Variants in CGNL1 observed in about 807,000 individuals in gnomAD.
CGNL1 encodes cingulin like 1.
CGNL1 carries 132 observed loss-of-function variants against 141.2 expected under a neutral mutation model. The observed-to-expected ratio is 0.93, with a 90% CI of 0.81 to 1.08. The LOEUF is 1.08. Among genes scored for constraint, CGNL1 ranks in the 50% least tolerant of loss-of-function variants. The pLI is 0.00. For synonymous variants in CGNL1, 690 were observed against 622.1 expected (o/e 1.11, Z -1.63); for missense variants, 1,870 against 1,588.6 (o/e 1.18, Z -3.01).
chr15:57,454,181 G>A (rs1395624491), intron 7 of CGNL1, among the ~76,000 whole-genome samples: 2 of 152,090 alleles, frequency 1.3e-5, no homozygotes, highest in African/African-American at 4.8e-5. Context: ...CACCCATTTA[G>A]GTGTTTGATG....
chr15:57,388,298 G>A (rs2062505514), intron 1 of CGNL1, among the ~76,000 whole-genome samples: 1 of 152,146 alleles, frequency 6.6e-6, no homozygotes, highest in African/African-American at 2.4e-5. Flanking sequence ...GTCATTAGAG[G>A]AGTCCTGGGA....
intron 4 of CGNL1, among the ~76,000 whole-genome samples, chr15:57,444,211 T>C (rs1187682268): frequency 6.6e-6 from 1 of 152,180 alleles, no homozygotes; most frequent in Admixed American, 6.5e-5. Flanking sequence ...TATTCTTGTG[T>C]GTGTAGCTGC....
chr15:57,524,341 G>A (rs1453026750), intron 11 of CGNL1, among the ~76,000 whole-genome samples: 1 of 152,218 alleles, frequency 6.6e-6, no homozygotes, highest in Non-Finnish European at 1.5e-5. Flanking sequence ...AAGTGGCACA[G>A]CAGCCCTAGG....
intron 1 of CGNL1, among the ~76,000 whole-genome samples, chr15:57,400,883 A>T (rs370796580): frequency 6.5e-5 from 8 of 122,404 alleles, no homozygotes; most frequent in African/African-American, 2.4e-4. Flanking sequence ...ACCCTGTCTC[A>T]AATTAAAAAA....
intron 1 of CGNL1, among the ~76,000 whole-genome samples, chr15:57,387,430 T>G (rs1239356643): frequency 6.6e-6 from 1 of 152,186 alleles, no homozygotes; most frequent in Non-Finnish European, 1.5e-5. Flanking sequence ...TTTTTCCACT[T>G]TTCCCATCCA....
intron 8 of CGNL1, among the ~76,000 whole-genome samples, chr15:57,509,295 T>C (rs11071325): frequency 0.16 from 24,188 of 152,154 alleles, 2,379 homozygotes; most frequent in East Asian, 0.46. Flanking sequence ...TCTCTGGATG[T>C]CCCGGCCTCC....
chr15:57,523,914 A>C (rs575259222), intron 11 of CGNL1, among the ~76,000 whole-genome samples: 1 of 152,300 alleles, frequency 6.6e-6, no homozygotes, highest in South Asian at 2.1e-4. Flanking sequence ...TGCAGATGGA[A>C]CCAATGTTGA....
chr15:57,463,551 G>A lies in CGNL1; in HGVS notation c.2403+1659G>A, dbSNP rs138034171. ...CCGGGAAGCTAACACAAAGGGGTTCGCCTTAGTACCCACTGGGGTGTGGGC... is the reference window on the plus strand; with the variant it reads ...CCGGGAAGCTAACACAAAGGGGTTCACCTTAGTACCCACTGGGGTGTGGGC... On this transcript the variant is annotated intron_variant, in intron 8 of 18. Coordinates refer to ENST00000281282, the MANE Select transcript of CGNL1 (RefSeq NM_032866.5). Among the ~76,000 whole-genome samples the A allele has an allele frequency of 7.2e-4, 110 of 152,310 alleles. 1 individual carries two copies. Among genetic ancestry groups the A allele is most frequent in the Middle Eastern group, 6.8e-3 (2 of 294 alleles).
intron 12 of CGNL1, 78 bp downstream of exon 12, chr15:57,524,829 C>A: frequency 1.4e-6 from 2 of 1,419,208 alleles, no homozygotes; most frequent in Non-Finnish European, 9.6e-7. Flanking sequence ...CTGTGAGGGA[C>A]TTGGGGGTAG....
At position 57,545,588 on chromosome 15, in the gene CGNL1, C is replaced by T. The variant is rs1259012874; in HGVS notation, c.3501-4C>T. The T allele has an allele frequency of 6.2e-7, 1 of 1,611,834 alleles. No individual in the cohort carries two copies. Among genetic ancestry groups the T allele is most frequent in the Non-Finnish European group, 8.5e-7 (1 of 1,179,306 alleles). The stretch of plus-strand genomic sequence containing the variant: ...GGTTCTTGGTTCTGTCTCCCCTCTT[C>T]CAGGGATCGGGCCAATCTTCAGCTC... On this transcript the variant is annotated splice_region_variant and splice_polypyrimidine_tract_variant and intron_variant, in intron 16 of 18. Transcript: ENST00000281282.
chr15:57,520,136 C>T (rs2031149181), intron 10 of CGNL1, among the ~76,000 whole-genome samples: 1 of 152,194 alleles, frequency 6.6e-6, no homozygotes. Context: ...TAGCCACTGG[C>T]AGTGCAGCTG....
intron 8 of CGNL1, among the ~76,000 whole-genome samples, chr15:57,471,995 A>AG (rs773597934): frequency 1.8e-4 from 27 of 152,064 alleles, no homozygotes; most frequent in Non-Finnish European, 3.1e-4. Flanking sequence ...CCTAGCTACC[A>AG]GGGTGTGTGA....
intron 14 of CGNL1, among the ~76,000 whole-genome samples, chr15:57,539,048 G>A (rs1340748128): frequency 6.6e-6 from 1 of 152,122 alleles, no homozygotes; most frequent in African/African-American, 2.4e-5. Flanking sequence ...CGCCCAGCTT[G>A]AGGGGCTCTT....
intron 1 of CGNL1, among the ~76,000 whole-genome samples, chr15:57,417,727 T>G (rs1344378656): frequency 6.6e-6 from 1 of 151,470 alleles, no homozygotes; most frequent in Non-Finnish European, 1.5e-5. Context: ...GGGGAAAAGG[T>G]GAGCAAAAGC....
At chr15:57,381,971 G>A (rs2062430086) in intron 1 of CGNL1, among the ~76,000 whole-genome samples, 1 of 152,204 alleles carries the variant, frequency 6.6e-6, no homozygotes, top group African/African-American at 2.4e-5. Context: ...CACATCCTAG[G>A]TTAGAGAGAC....
chr15:57,513,718 C>T (rs1324453541), intron 8 of CGNL1, among the ~76,000 whole-genome samples: 2 of 152,090 alleles, frequency 1.3e-5, no homozygotes, highest in Non-Finnish European at 2.9e-5. Flanking sequence ...GATGCGGTTT[C>T]ACCATGTTGG....
intron 4 of CGNL1, among the ~76,000 whole-genome samples, chr15:57,450,061 T>C (rs192704500): frequency 5.0e-4 from 76 of 152,338 alleles, no homozygotes; most frequent in African/African-American, 1.7e-3. Context: ...TCAACTAATT[T>C]GGGTAAACAC....
intron 8 of CGNL1, among the ~76,000 whole-genome samples, chr15:57,482,844 G>T (rs1168041151): frequency 6.6e-6 from 1 of 151,648 alleles, no homozygotes; most frequent in Non-Finnish European, 1.5e-5. Context: ...GAGTGCAATG[G>T]CATGATCTCT....
At chr15:57,413,121 A>C (rs1182989478) in intron 1 of CGNL1, among the ~76,000 whole-genome samples, 2 of 152,086 alleles carry the variant, frequency 1.3e-5, no homozygotes, top group African/African-American at 2.4e-5. Flanking sequence ...GGCCTCCCAA[A>C]GTGCTGGGAT....
Sources: allele counts gnomAD v4.1 joint callset (sites outside exome capture counted in the v4.1 genomes callset), GRCh38; gene constraint gnomAD v4.1.1; transcripts MANE v1.5; gene names NCBI Gene and HGNC (gene_info 2026-07-23, HGNC 2026-07-21).